The following SPMAP2 variants were observed in gnomAD, a reference collection of about 807,000 sequenced individuals.
The protein encoded by SPMAP2 is sperm microtubule associated protein 2.
At chr19:374,051 C>A in the SPMAP2 span, 18 of 1,597,786 alleles carry the variant, frequency 1.1e-5, no homozygotes, top group Non-Finnish European at 1.5e-5. Flanking sequence ...GCCTCTTGCC[C>A]TGGGTCTCCC....
At chr19:370,630 G>A in the SPMAP2 span, among the ~76,000 whole-genome samples, 641 of 152,168 alleles carry the variant, frequency 4.2e-3, 17 homozygotes, top group Admixed American at 0.032. Flanking sequence ...GATGACAGGC[G>A]TGAGCCACCG....
At chr19:372,687 G>C in the SPMAP2 span, 1 of 1,614,040 alleles carries the variant, frequency 6.2e-7, no homozygotes, top group Non-Finnish European at 8.5e-7. Context: ...GTTCCTCCAC[G>C]CGGCGGGACA....
the SPMAP2 span, among the ~76,000 whole-genome samples, chr19:372,082 G>A: frequency 1.3e-5 from 2 of 152,206 alleles, no homozygotes; most frequent in Admixed American, 1.3e-4. Context: ...CAGTGTGTGC[G>A]ACACCCACAT....
At chr19:364,336 CAAAAAAAAA>C in the SPMAP2 span, among the ~76,000 whole-genome samples, 1 of 74,160 alleles carries the variant, frequency 1.3e-5, no homozygotes, top group African/African-American at 6.5e-5. Flanking sequence ...AGCTCTGTCT[CAAAAAAAAA>C]AAAAAAAAAA....
chr19:365,066 CCACGTGG>C, the SPMAP2 span, among the ~76,000 whole-genome samples: 1 of 152,230 alleles, frequency 6.6e-6, no homozygotes, highest in South Asian at 2.1e-4. Flanking sequence ...AGGCAGAACC[CCACGTGG>C]CACGTGGCTG....
At chr19:368,799 C>T in the SPMAP2 span, among the ~76,000 whole-genome samples, 1 of 152,196 alleles carries the variant, frequency 6.6e-6, no homozygotes, top group Admixed American at 6.6e-5. The surrounding 1 kb of genome is among the most constrained non-coding windows in gnomAD (Gnocchi z 4.1). Flanking sequence ...CTTCTCCCTC[C>T]CTGGCTCCCT....
chr19:367,727 G>A, the SPMAP2 span, among the ~76,000 whole-genome samples: 197 of 152,230 alleles, frequency 1.3e-3, 1 homozygote, highest in African/African-American at 4.3e-3. Context: ...CGCTTGACCC[G>A]AGGAAGTGGG....
the SPMAP2 span, among the ~76,000 whole-genome samples, chr19:363,907 G>T: frequency 1.3e-5 from 2 of 151,974 alleles, no homozygotes; most frequent in Non-Finnish European, 2.9e-5. Flanking sequence ...GCTCACTGCA[G>T]CCTCCACCTG....
At chr19:368,662 C>T in the SPMAP2 span, among the ~76,000 whole-genome samples, 1 of 152,206 alleles carries the variant, frequency 6.6e-6, no homozygotes, top group South Asian at 2.1e-4. This position sits in a 1 kb window ranked among gnomAD's most constrained non-coding sequence, Gnocchi z 4.1. Context: ...ATGAAACCAT[C>T]CCCAAAGGTC....
chr19:362,531 G>C, the SPMAP2 span: 1 of 877,618 alleles, frequency 1.1e-6, no homozygotes, highest in South Asian at 2.2e-5. Context: ...ACTGTGGAAG[G>C]CTGAGGCAGG....
At chr19:373,435 G>A in the SPMAP2 span, 30 of 1,609,598 alleles carry the variant, frequency 1.9e-5, no homozygotes, top group South Asian at 2.2e-4. Flanking sequence ...CGGCAGCCGG[G>A]GGCAGGGGTC....
At chr19:374,491 C>G in the SPMAP2 span, 7 of 1,601,592 alleles carry the variant, frequency 4.4e-6, no homozygotes, top group South Asian at 2.2e-5. Context: ...CCCAGAGAAG[C>G]GTGGGTCTTG....
the SPMAP2 span, among the ~76,000 whole-genome samples, chr19:372,065 G>A: frequency 1.3e-5 from 2 of 152,342 alleles, no homozygotes; most frequent in African/African-American, 2.4e-5. Context: ...GCACAGAGGC[G>A]TGAGGACAGT....
chr19:367,093 T>C, the SPMAP2 span: 2 of 1,612,934 alleles, frequency 1.2e-6, no homozygotes, highest in African/African-American at 2.7e-5. Context: ...GGTTATGGTC[T>C]GACACATGTG....
chr19:374,062 G>A, the SPMAP2 span: 61 of 1,581,328 alleles, frequency 3.9e-5, no homozygotes, highest in Middle Eastern at 1.7e-4. Flanking sequence ...TGGGTCTCCC[G>A]TTTGCTCCCA....
At chr19:362,584 A>G in the SPMAP2 span, among the ~76,000 whole-genome samples, 1 of 151,994 alleles carries the variant, frequency 6.6e-6, no homozygotes, top group African/African-American at 2.4e-5. Context: ...CCTGGCCAAC[A>G]TGATGAAACC....
the SPMAP2 span, among the ~76,000 whole-genome samples, chr19:370,621 AT>A: frequency 6.6e-6 from 1 of 151,096 alleles, no homozygotes; most frequent in Non-Finnish European, 1.5e-5. Flanking sequence ...AAGTGCTGGG[AT>A]GACAGGCGTG....
the SPMAP2 span, among the ~76,000 whole-genome samples, chr19:372,054 T>C: frequency 6.6e-6 from 1 of 152,334 alleles, no homozygotes; most frequent in African/African-American, 2.4e-5. Context: ...CGTTAAAAAG[T>C]GCACAGAGGC....
chr19:370,027 A>G, the SPMAP2 span, among the ~76,000 whole-genome samples: 1 of 152,178 alleles, frequency 6.6e-6, no homozygotes, highest in Non-Finnish European at 1.5e-5. Context: ...CTTCCCACCC[A>G]AAGAATGCAA....
Sources: allele counts gnomAD v4.1 joint callset (sites outside exome capture counted in the v4.1 genomes callset), GRCh38; gene constraint gnomAD v4.1.1; non-coding constraint Gnocchi (gnomAD v3.1); transcripts MANE v1.5; gene names NCBI Gene and HGNC (gene_info 2026-07-23, HGNC 2026-07-21).